The following TRDN variants were observed in gnomAD, a reference collection of about 807,000 sequenced individuals.
The protein encoded by TRDN is triadin in skeletal muscle.
TRDN carries 161 observed loss-of-function variants against 149.7 expected under a neutral mutation model. The ratio of observed to expected loss-of-function variants is 1.08; its 90% CI spans 0.95 to 1.23. The LOEUF is 1.23. Ranked by LOEUF, TRDN falls within the 50% of genes most tolerant of loss-of-function variation. The pLI, the probability that TRDN is intolerant of heterozygous loss-of-function variation, is 0.00. For synonymous variants in TRDN, 294 were observed against 250.5 expected, an observed-to-expected ratio of 1.17 and a Z score of -1.64; for missense variants, 896 against 823.5, an observed-to-expected ratio of 1.09 and a Z score of -1.08.
chr6:123,295,610 A>T (rs1447180240), intron 24 of TRDN, among the ~76,000 whole-genome samples: 1 of 152,038 alleles, frequency 6.6e-6, no homozygotes, highest in South Asian at 2.1e-4. Flanking sequence ...AAGTTGATTG[A>T]CTCTTTCTAC....
chr6:123,397,214 G>A (rs1205413831), intron 12 of TRDN, among the ~76,000 whole-genome samples: 1 of 152,088 alleles, frequency 6.6e-6, no homozygotes, highest in Non-Finnish European at 1.5e-5. Flanking sequence ...CCCCCCATCT[G>A]CAGTGAAGTG....
intron 12 of TRDN, among the ~76,000 whole-genome samples, chr6:123,420,400 A>T (rs1582997244): frequency 1.3e-5 from 2 of 152,154 alleles, no homozygotes; most frequent in East Asian, 3.9e-4. Context: ...TTAAAAAAAA[A>T]ACAGCAAAAC....
intron 1 of TRDN, among the ~76,000 whole-genome samples, chr6:123,594,918 A>T (rs961764297): frequency 1.4e-5 from 2 of 146,184 alleles, no homozygotes; most frequent in African/African-American, 5.0e-5. Context: ...ACGAAAAGCA[A>T]ACAAGCAAGT....
chr6:123,436,453 T>G (rs755280668), intron 12 of TRDN, among the ~76,000 whole-genome samples: 3 of 152,140 alleles, frequency 2.0e-5, no homozygotes, highest in Non-Finnish European at 4.4e-5. Flanking sequence ...ATGGGCCACA[T>G]AATCATGCAA....
chr6:123,631,314 G>T (rs1487122382), intron 1 of TRDN, among the ~76,000 whole-genome samples: 1 of 151,796 alleles, frequency 6.6e-6, no homozygotes, highest in African/African-American at 2.4e-5. Context: ...GCACTTTTTA[G>T]AACTATTTTT....
At chr6:123,595,153 A>G (rs1345059659) in intron 1 of TRDN, among the ~76,000 whole-genome samples, 1 of 152,158 alleles carries the variant, frequency 6.6e-6, no homozygotes. Context: ...AACTGAGAAT[A>G]ATCTATAACA....
At position 123,253,807 on chromosome 6, in the gene TRDN, C is replaced by T. The variant is rs1047346442; in HGVS notation, c.1951+1274G>A. On this transcript the variant is annotated intron_variant, in intron 37 of 40. Transcript: ENST00000334268. ...TTGTACAGCTGAGTTACAGAGGTTTCCTCAAATCATCTCTCTAGTAGATCA... is the reference window on the plus strand; with the variant it reads ...TTGTACAGCTGAGTTACAGAGGTTTTCTCAAATCATCTCTCTAGTAGATCA... Among the ~76,000 whole-genome samples, 2 of 152,186 alleles carry T rather than the reference C, an allele frequency of 1.3e-5. 1 individual carries two copies. The highest frequency in any genetic ancestry group is 6.8e-3 in the Middle Eastern group (2 of 294).
chr6:123,324,577 C>T (rs944953988), intron 23 of TRDN, among the ~76,000 whole-genome samples: 2 of 152,110 alleles, frequency 1.3e-5, no homozygotes, highest in Admixed American at 1.3e-4. Context: ...GATTGTGACC[C>T]ATTCTTTCAT....
intron 2 of TRDN, among the ~76,000 whole-genome samples, chr6:123,555,713 T>C (rs2114472311): frequency 6.6e-6 from 1 of 152,308 alleles, no homozygotes; most frequent in Non-Finnish European, 1.5e-5. Flanking sequence ...GGCTCATTTT[T>C]TGAGATCCTC....
At chr6:123,527,548 AG>A (rs1243493284) in intron 5 of TRDN, among the ~76,000 whole-genome samples, 1 of 151,900 alleles carries the variant, frequency 6.6e-6, no homozygotes, top group Non-Finnish European at 1.5e-5. Flanking sequence ...GCGTTCTTGG[AG>A]GTAACTTGTA....
chr6:123,594,538 C>T (rs1783937439), intron 1 of TRDN, among the ~76,000 whole-genome samples: 1 of 151,744 alleles, frequency 6.6e-6, no homozygotes, highest in African/African-American at 2.4e-5. Flanking sequence ...AAAGGAAACC[C>T]ACTTTCTTCA....
chr6:123,247,166 G>A (rs112904362), intron 38 of TRDN, among the ~76,000 whole-genome samples: 16,349 of 152,224 alleles, frequency 0.11, 1,153 homozygotes, highest in Admixed American at 0.22. Flanking sequence ...GGCAAAAGCT[G>A]GAAGCATTCC....
At chr6:123,266,305 AT>A (rs1390304105) in intron 32 of TRDN, among the ~76,000 whole-genome samples, 2 of 108,134 alleles carry the variant, frequency 1.8e-5, no homozygotes, top group Non-Finnish European at 3.4e-5. Flanking sequence ...ATTATATATA[AT>A]TATATGTAAT....
intron 1 of TRDN, among the ~76,000 whole-genome samples, chr6:123,623,678 T>C (rs1360193869): frequency 4.6e-5 from 7 of 152,128 alleles, no homozygotes; most frequent in Non-Finnish European, 8.8e-5. Flanking sequence ...GATCTAGGGA[T>C]GTTGTTAAAA....
intron 20 of TRDN, among the ~76,000 whole-genome samples, chr6:123,353,540 T>C (rs1055578892): frequency 2.0e-5 from 3 of 151,770 alleles, no homozygotes; most frequent in African/African-American, 4.8e-5. Context: ...AAATACAGGA[T>C]GTATAGAACA....
At chr6:123,346,379 A>G (rs1331025060) in intron 21 of TRDN, among the ~76,000 whole-genome samples, 1 of 152,038 alleles carries the variant, frequency 6.6e-6, no homozygotes, top group South Asian at 2.1e-4. Context: ...GAATACGTAT[A>G]ATTCTTTTTA....
intron 1 of TRDN, among the ~76,000 whole-genome samples, chr6:123,626,242 G>A (rs770915436): frequency 1.7e-4 from 26 of 152,074 alleles, no homozygotes; most frequent in Non-Finnish European, 3.2e-4. Flanking sequence ...AGCACGTTGG[G>A]AGGCCAAGGT....
intron 23 of TRDN, among the ~76,000 whole-genome samples, chr6:123,320,495 C>T (rs1357923427): frequency 6.6e-6 from 1 of 151,832 alleles, no homozygotes; most frequent in Admixed American, 6.6e-5. Flanking sequence ...ACATACCACT[C>T]CTATGTGGTA....
intron 24 of TRDN, among the ~76,000 whole-genome samples, chr6:123,306,841 T>C (rs914366668): frequency 1.3e-5 from 2 of 152,064 alleles, no homozygotes; most frequent in Admixed American, 1.3e-4. Flanking sequence ...TTTATATCTT[T>C]ATTTTTACTT....
Sources: allele counts gnomAD v4.1 joint callset (sites outside exome capture counted in the v4.1 genomes callset), GRCh38; gene constraint gnomAD v4.1.1; transcripts MANE v1.5; gene names NCBI Gene and HGNC (gene_info 2026-07-23, HGNC 2026-07-21).